The following SDCCAG8 variants were observed in gnomAD, a reference collection of about 807,000 sequenced individuals.
SDCCAG8 encodes SHH signaling and ciliogenesis regulator SDCCAG8.
SDCCAG8 carries 74 observed loss-of-function variants against 101.8 expected under a neutral mutation model. That is an observed-to-expected ratio of 0.73 (90% CI 0.60 to 0.88). The LOEUF is 0.88. Ranked by LOEUF, SDCCAG8 falls within the 40% of genes least tolerant of loss-of-function variation. The pLI is 0.00. For synonymous variants in SDCCAG8, 281 were observed against 292.9 expected (o/e 0.96, Z 0.41); for missense variants, 787 against 822.6 (o/e 0.96, Z 0.53).
rs140124100 is a variant in SDCCAG8, at chr1:243,419,885, C to T, written c.1853+1809C>T. ...TGTGCCCCTAGGCCCTCTTTTTCCTCCTCTAGATCTGTCATCTTAGCCTGT... is the reference window on the plus strand; with the variant it reads ...TGTGCCCCTAGGCCCTCTTTTTCCTTCTCTAGATCTGTCATCTTAGCCTGT... On this transcript the variant is annotated intron_variant, in intron 15 of 17. Coordinates refer to ENST00000366541, the MANE Select transcript of SDCCAG8 (RefSeq NM_006642.5). 6.2e-3 allele frequency among the ~76,000 whole-genome samples: 950 copies of T among 152,298 alleles called. 10 individuals carry two copies. The highest frequency in any genetic ancestry group is 0.021 in the African/African-American group (870 of 41,566).
At chr1:243,424,035 A>T (rs2081185000) in intron 15 of SDCCAG8, among the ~76,000 whole-genome samples, 1 of 152,086 alleles carries the variant, frequency 6.6e-6, no homozygotes, top group Admixed American at 6.5e-5. Flanking sequence ...GTGAAATTGA[A>T]TATGTTATAA....
chr1:243,391,447 A>G (rs537008258), intron 13 of SDCCAG8, among the ~76,000 whole-genome samples: 99 of 152,310 alleles, frequency 6.5e-4, no homozygotes, highest in Non-Finnish European at 1.2e-3. Flanking sequence ...ACAGGTCAGA[A>G]AATGTTTGGA....
intron 12 of SDCCAG8, among the ~76,000 whole-genome samples, chr1:243,373,138 G>T (rs1227245587): frequency 6.6e-6 from 1 of 151,826 alleles, no homozygotes; most frequent in African/African-American, 2.4e-5. Flanking sequence ...TTTTACTATG[G>T]ATCTTGGCCA....
intron 3 of SDCCAG8, among the ~76,000 whole-genome samples, chr1:243,273,996 C>T (rs953061719): frequency 3.9e-5 from 6 of 152,124 alleles, no homozygotes; most frequent in Non-Finnish European, 7.3e-5. Context: ...AGTCCATTCT[C>T]GTGTTGCTAA....
intron 16 of SDCCAG8, among the ~76,000 whole-genome samples, chr1:243,469,109 A>G (rs957878964): frequency 6.6e-6 from 1 of 152,222 alleles, no homozygotes; most frequent in Non-Finnish European, 1.5e-5. Context: ...TTTTAAATTC[A>G]GATTTATCCT....
At chr1:243,404,761 G>A (rs1332455577) in intron 13 of SDCCAG8, among the ~76,000 whole-genome samples, 2 of 151,976 alleles carry the variant, frequency 1.3e-5, no homozygotes. Flanking sequence ...CTGTATACAT[G>A]CACATTGGAT....
chr1:243,313,295 T>A (rs1349625280), intron 8 of SDCCAG8, among the ~76,000 whole-genome samples: 1 of 152,228 alleles, frequency 6.6e-6, no homozygotes. Context: ...TAATAATAAC[T>A]GGAGTAATTT....
intron 12 of SDCCAG8, among the ~76,000 whole-genome samples, chr1:243,356,820 A>C (rs1202713741): frequency 6.6e-6 from 1 of 151,816 alleles, no homozygotes; most frequent in Admixed American, 6.6e-5. Context: ...CCCCATCTCT[A>C]CAAAAAAAAG....
At chr1:243,274,997 C>T (rs2068418923) in intron 4 of SDCCAG8, among the ~76,000 whole-genome samples, 1 of 152,224 alleles carries the variant, frequency 6.6e-6, no homozygotes, top group Admixed American at 6.5e-5. Flanking sequence ...ATCATTCTCC[C>T]ATACTTGTCA....
intron 16 of SDCCAG8, among the ~76,000 whole-genome samples, chr1:243,484,823 A>C (rs10927027): frequency 0.54 from 81,992 of 152,054 alleles, 24,740 homozygotes; most frequent in Admixed American, 0.69. Context: ...AGGCGGGCAG[A>C]TCACGAGGTC....
At chr1:243,496,210 G>A (rs1667812907) in intron 17 of SDCCAG8, among the ~76,000 whole-genome samples, 1 of 152,254 alleles carries the variant, frequency 6.6e-6, no homozygotes, top group South Asian at 2.1e-4. Flanking sequence ...GCTGGGCAGG[G>A]AAATGAACTT....
chr1:243,431,564 G>A (rs757351318), intron 16 of SDCCAG8, among the ~76,000 whole-genome samples: 2 of 152,158 alleles, frequency 1.3e-5, no homozygotes, highest in East Asian at 1.9e-4. Flanking sequence ...TTGTAAAAAC[G>A]AAGAAAGTTA....
chr1:243,477,661 G>A (rs1177320682), intron 16 of SDCCAG8, among the ~76,000 whole-genome samples: 1 of 152,254 alleles, frequency 6.6e-6, no homozygotes, highest in African/African-American at 2.4e-5. Context: ...GAGCCTCGGT[G>A]ATATTGTCAG....
At chr1:243,364,545 C>CGG (rs1295770343) in intron 12 of SDCCAG8, among the ~76,000 whole-genome samples, 1 of 152,006 alleles carries the variant, frequency 6.6e-6, no homozygotes, top group Non-Finnish European at 1.5e-5. Context: ...CAGCCAGAGC[C>CGG]GGTGTGTTTG....
At chr1:243,438,964 A>G (rs930914073) in intron 16 of SDCCAG8, among the ~76,000 whole-genome samples, 2 of 152,174 alleles carry the variant, frequency 1.3e-5, no homozygotes, top group Non-Finnish European at 2.9e-5. Flanking sequence ...GAGTGACTTC[A>G]ATGAAGATGC....
At chr1:243,406,047 T>C (rs780902245) in intron 13 of SDCCAG8, among the ~76,000 whole-genome samples, 1 of 152,198 alleles carries the variant, frequency 6.6e-6, no homozygotes, top group Non-Finnish European at 1.5e-5. Context: ...TGATACCTGA[T>C]TTGAAGTTAC....
At chr1:243,256,854 G>A (rs1156310818) in intron 1 of SDCCAG8, among the ~76,000 whole-genome samples, 1 of 152,122 alleles carries the variant, frequency 6.6e-6, no homozygotes, top group African/African-American at 2.4e-5. Context: ...CAAAGCCTAT[G>A]TTTGTATTTA....
intron 4 of SDCCAG8, among the ~76,000 whole-genome samples, chr1:243,275,568 G>T (rs973105970): frequency 1.3e-5 from 2 of 151,888 alleles, no homozygotes; most frequent in African/African-American, 4.8e-5. Flanking sequence ...ACGTGGTCCT[G>T]GATTACCAGT....
At chr1:243,361,694 C>G (rs1181691032) in intron 12 of SDCCAG8, among the ~76,000 whole-genome samples, 1 of 152,210 alleles carries the variant, frequency 6.6e-6, no homozygotes, top group Non-Finnish European at 1.5e-5. Flanking sequence ...TATATTCTTT[C>G]CCACTCTTCC....
Sources: gnomAD v4.1 joint callset for allele counts (sites outside exome capture counted in the v4.1 genomes callset) on GRCh38, gnomAD v4.1.1 for gene constraint, MANE v1.5 for transcripts, NCBI Gene and HGNC (gene_info 2026-07-23, HGNC 2026-07-21) for gene names.